Variants in NXPE2 observed in about 807,000 individuals in gnomAD.
NXPE2 encodes NXPE family member 2.
Under a neutral mutation model 34.4 loss-of-function variants are expected in NXPE2, and 34 were observed. The ratio of observed to expected loss-of-function variants is 0.99; its 90% CI spans 0.75 to 1.31. The LOEUF is 1.31. Ranked by LOEUF, NXPE2 falls within the 40% of genes most tolerant of loss-of-function variation. The probability of loss-of-function intolerance (pLI) is 0.00; values close to 1 mark genes in which losing one functional copy is unlikely to be tolerated. For synonymous variants in NXPE2, 235 were observed against 231.3 expected, an observed-to-expected ratio of 1.02 and a Z score of -0.15; for missense variants, 649 against 672.5, an observed-to-expected ratio of 0.97 and a Z score of 0.39.
At chr11:114,474,148 G>A in the NXPE2 span, among the ~76,000 whole-genome samples, 2 of 152,182 alleles carry the variant, frequency 1.3e-5, no homozygotes, top group Non-Finnish European at 2.9e-5. Context: ...CATAAGGAGA[G>A]ATATAGAATA....
chr11:114,600,406 A>C, the NXPE2 span, among the ~76,000 whole-genome samples: 1 of 152,142 alleles, frequency 6.6e-6, no homozygotes, highest in Non-Finnish European at 1.5e-5. Context: ...TCATTTACCA[A>C]ATAATCTGCC....
the NXPE2 span, among the ~76,000 whole-genome samples, chr11:114,635,926 C>G: frequency 2.6e-5 from 4 of 151,974 alleles, no homozygotes; most frequent in Non-Finnish European, 5.9e-5. Flanking sequence ...CTAAAATTCT[C>G]TTTTTTGGTG....
chr11:114,798,699 T>A, the NXPE2 span, among the ~76,000 whole-genome samples: 21 of 152,226 alleles, frequency 1.4e-4, no homozygotes, highest in Non-Finnish European at 2.4e-4. Context: ...TTTCTTTTTC[T>A]GCCTTTTGCT....
At chr11:114,718,334 G>A in the NXPE2 span, among the ~76,000 whole-genome samples, 1 of 152,146 alleles carries the variant, frequency 6.6e-6, no homozygotes, top group African/African-American at 2.4e-5. Flanking sequence ...CTGGCGCATT[G>A]CAGGTACCCA....
chr11:114,636,459 T>G, the NXPE2 span, among the ~76,000 whole-genome samples: 1 of 152,150 alleles, frequency 6.6e-6, no homozygotes, highest in African/African-American at 2.4e-5. Context: ...TGTCTCTATT[T>G]CCTTCAGTTC....
the NXPE2 span, among the ~76,000 whole-genome samples, chr11:114,494,044 T>G: frequency 6.6e-6 from 1 of 152,194 alleles, no homozygotes; most frequent in Non-Finnish European, 1.5e-5. Flanking sequence ...CCTGTAAGGT[T>G]TCCACTGAGA....
the NXPE2 span, among the ~76,000 whole-genome samples, chr11:114,509,421 G>T: frequency 5.9e-5 from 9 of 152,246 alleles, no homozygotes; most frequent in East Asian, 1.7e-3. Flanking sequence ...CCATTACTGG[G>T]TGTATACCCA....
At chr11:114,582,303 T>C in the NXPE2 span, 13 of 1,578,056 alleles carry the variant, frequency 8.2e-6, no homozygotes, top group Non-Finnish European at 1.1e-5. Context: ...AAAGAGGCTC[T>C]TTTCTTGTTT....
the NXPE2 span, among the ~76,000 whole-genome samples, chr11:114,575,641 C>T: frequency 6.6e-6 from 1 of 151,842 alleles, no homozygotes; most frequent in Non-Finnish European, 1.5e-5. Context: ...AATACCTAGC[C>T]AAGGATGTCA....
the NXPE2 span, among the ~76,000 whole-genome samples, chr11:114,658,523 A>C: frequency 6.6e-6 from 1 of 152,262 alleles, no homozygotes; most frequent in Non-Finnish European, 1.5e-5. Context: ...AGCTGCCTCA[A>C]AGGGAAAGAC....
At chr11:114,539,477 A>T in the NXPE2 span, among the ~76,000 whole-genome samples, 27 of 152,178 alleles carry the variant, frequency 1.8e-4, no homozygotes, top group African/African-American at 6.0e-4. Context: ...TCCTTAATGG[A>T]GGTATTTTGA....
chr11:114,483,892 C>T, the NXPE2 span, among the ~76,000 whole-genome samples: 1 of 152,158 alleles, frequency 6.6e-6, no homozygotes, highest in Non-Finnish European at 1.5e-5. Flanking sequence ...AGGACTGTTC[C>T]TCTGCTGCTT....
At chr11:114,598,352 C>T in the NXPE2 span, among the ~76,000 whole-genome samples, 1 of 73,424 alleles carries the variant, frequency 1.4e-5, no homozygotes, top group African/African-American at 5.6e-5. Context: ...ATCTACCATT[C>T]TGGGGTCTGG....
chr11:114,632,758 CATATATTATATAATTATATATT>C, the NXPE2 span, among the ~76,000 whole-genome samples: 1 of 4,010 alleles, frequency 2.5e-4, no homozygotes, highest in Non-Finnish European at 4.2e-4. Flanking sequence ...TATAATATAT[CATATATTATATAATTATATATT>C]ATATATTATA....
At chr11:114,523,175 C>T in the NXPE2 span, 5 of 942,906 alleles carry the variant, frequency 5.3e-6, no homozygotes, top group East Asian at 5.0e-5. Context: ...TTTTCTTGCT[C>T]TCTTTCCCCC....
At chr11:114,787,079 A>G in the NXPE2 span, among the ~76,000 whole-genome samples, 1 of 152,124 alleles carries the variant, frequency 6.6e-6, no homozygotes, top group Non-Finnish European at 1.5e-5. Context: ...TTCTCCCTGC[A>G]TACTCAGCAA....
chr11:114,620,259 G>A, the NXPE2 span, among the ~76,000 whole-genome samples: 1 of 151,890 alleles, frequency 6.6e-6, no homozygotes, highest in Non-Finnish European at 1.5e-5. Flanking sequence ...TTGCCTCGTG[G>A]GTAACTACGG....
the NXPE2 span, among the ~76,000 whole-genome samples, chr11:114,807,079 T>C: frequency 2.6e-4 from 40 of 151,592 alleles, no homozygotes; most frequent in Non-Finnish European, 5.7e-4. Flanking sequence ...GAATTTCATA[T>C]CCAACCAAAC....
In NXPE2 at chr11:114,706,628, A is replaced by G. The variant is rs1340722686; in HGVS notation, c.1378A>G (p.Asn460Asp). Residue 460 changes from asparagine (N) to aspartate (D), a missense_variant, in exon 6 of 6, where the codon AAC becomes GAC. Physicochemically the swap from Asn to Asp is conservative, Grantham distance 23. Coordinates refer to ENST00000389586, the MANE Select transcript of NXPE2 (RefSeq NM_182495.6). ...CCAACACTTCAGACCCTTTCCCATCAACATTTTCATCCGTAGGGCCATCAA... is the reference window on the plus strand; with the variant it reads ...CCAACACTTCAGACCCTTTCCCATCGACATTTTCATCCGTAGGGCCATCAA... ...LGQHFRPFPI[N>D]IFIRRAINIQ... 20 of 1,551,820 alleles carry G rather than the reference A, an allele frequency of 1.3e-5. No individual in the cohort carries two copies. The highest frequency in any genetic ancestry group is 1.7e-5 in the Non-Finnish European group (19 of 1,147,012).
Sources: allele counts gnomAD v4.1 joint callset (sites outside exome capture counted in the v4.1 genomes callset), GRCh38; gene constraint gnomAD v4.1.1; transcripts MANE v1.5; gene names NCBI Gene and HGNC (gene_info 2026-07-23, HGNC 2026-07-21).